Variants in ADAM7 observed in about 807,000 individuals in gnomAD.
ADAM7 encodes disintegrin and metalloproteinase domain-containing protein 7.
Under a neutral mutation model 102.9 loss-of-function variants are expected in ADAM7, and 97 were observed. The ratio of observed to expected loss-of-function variants is 0.94; its 90% CI spans 0.80 to 1.12. The LOEUF (loss-of-function observed/expected upper bound fraction) is 1.12. Among genes scored for constraint, ADAM7 ranks in the 50% most tolerant of loss-of-function variants. The probability of loss-of-function intolerance (pLI) is 0.00; values close to 1 mark genes in which losing one functional copy is unlikely to be tolerated. For missense variants in ADAM7, 991 were observed against 908.7 expected (o/e 1.09, Z -1.16); for synonymous variants, 334 against 304.4 (o/e 1.10, Z -1.01).
intron 17 of ADAM7, among the ~76,000 whole-genome samples, chr8:24,499,953 A>G (rs10503761): frequency 6.6e-6 from 1 of 151,990 alleles, no homozygotes; most frequent in Admixed American, 6.6e-5. Flanking sequence ...TGTCAGTATC[A>G]TTCTCTTATT....
chr8:24,452,693 A>T (rs2129376074), intron 3 of ADAM7, among the ~76,000 whole-genome samples: 1 of 151,152 alleles, frequency 6.6e-6, no homozygotes, highest in African/African-American at 2.4e-5. Flanking sequence ...TCCTGTCATT[A>T]TGATGTTAGC....
At chr8:24,451,872 A>T (rs1254860478) in intron 3 of ADAM7, among the ~76,000 whole-genome samples, 1 of 150,430 alleles carries the variant, frequency 6.6e-6, no homozygotes, top group Admixed American at 6.6e-5. Flanking sequence ...TTGGTTTCAA[A>T]GAACATCTTT....
At chr8:24,490,100 G>A (rs1820290000) in intron 12 of ADAM7, among the ~76,000 whole-genome samples, 1 of 152,146 alleles carries the variant, frequency 6.6e-6, no homozygotes, top group African/African-American at 2.4e-5. Context: ...TCTAGATAAT[G>A]CACAATACCA....
chr8:24,448,422 G>C (rs558620290), intron 3 of ADAM7, among the ~76,000 whole-genome samples: 19 of 152,236 alleles, frequency 1.2e-4, no homozygotes, highest in African/African-American at 4.6e-4. Context: ...ACAGAGAGCA[G>C]TTTAATCTAA....
At chr8:24,494,253 T>C (rs1016510232) in intron 16 of ADAM7, among the ~76,000 whole-genome samples, 1 of 152,358 alleles carries the variant, frequency 6.6e-6, no homozygotes, top group Middle Eastern at 3.4e-3. Flanking sequence ...TGAGTCTATA[T>C]ATTTAACTAT....
intron 2 of ADAM7, 61 bp from the exon 3 acceptor site, chr8:24,447,125 T>C: frequency 5.4e-6 from 5 of 919,842 alleles, no homozygotes; most frequent in Non-Finnish European, 8.0e-6. Flanking sequence ...AAAGCACTAC[T>C]TGCTCCAGAA....
At chr8:24,449,531 T>C (rs1563372664) in intron 3 of ADAM7, among the ~76,000 whole-genome samples, 1 of 152,210 alleles carries the variant, frequency 6.6e-6, no homozygotes. Context: ...TTGAGTTCAT[T>C]GTAGATTCTG....
chr8:24,506,843 T>A (rs2129398818), intron 20 of ADAM7, among the ~76,000 whole-genome samples: 1 of 152,232 alleles, frequency 6.6e-6, no homozygotes, highest in East Asian at 1.9e-4. Context: ...CTAGAATCTC[T>A]ATCTCTACAT....
intron 16 of ADAM7, 134 bp downstream of exon 16, chr8:24,493,363 A>G (rs747685072): frequency 1.9e-4 from 142 of 764,104 alleles, no homozygotes; most frequent in Non-Finnish European, 2.3e-4. Context: ...TTTTTTAATG[A>G]GGAGCAGAGT....
chr8:24,479,059 G>A (rs1023065564), intron 8 of ADAM7, among the ~76,000 whole-genome samples: 1 of 151,974 alleles, frequency 6.6e-6, no homozygotes, highest in Non-Finnish European at 1.5e-5. Flanking sequence ...TTCCTTTCTC[G>A]ACTTTAGGCT....
intron 15 of ADAM7, 88 bp downstream of exon 15, chr8:24,492,685 T>G: frequency 3.4e-6 from 3 of 889,578 alleles, no homozygotes; most frequent in Non-Finnish European, 5.3e-6. Flanking sequence ...CCTGTTAATC[T>G]CTTTTTACTG....
At chr8:24,474,839 G>A (rs545462897) in intron 7 of ADAM7, among the ~76,000 whole-genome samples, 3 of 152,240 alleles carry the variant, frequency 2.0e-5, no homozygotes, top group Admixed American at 6.5e-5. Context: ...AGGCTGCAAT[G>A]AGCCATGTTC....
At chr8:24,498,549 GTA>G (rs138184963) in intron 16 of ADAM7, among the ~76,000 whole-genome samples, 9 of 148,724 alleles carry the variant, frequency 6.1e-5, no homozygotes, top group East Asian at 2.0e-4. Flanking sequence ...AGGACTAAGA[GTA>G]TATATATATA....
At chr8:24,481,903 G>C (rs906585022) in intron 8 of ADAM7, among the ~76,000 whole-genome samples, 1 of 152,070 alleles carries the variant, frequency 6.6e-6, no homozygotes, top group African/African-American at 2.4e-5. Context: ...ATGATAGTTC[G>C]AGGAGGCAGA....
rs1820371580 is a variant in ADAM7, at chr8:24,491,886, T to C, written c.1357-17T>C. ...TAAATGTATCCAGGATTTAGTCTCT[T>C]TGTTTTTCCTCAACAGATAAAAAAA... is the stretch of plus-strand genomic sequence containing the variant. On this transcript the variant is annotated splice_polypyrimidine_tract_variant and intron_variant, in intron 13 of 21. Transcript: ENST00000175238. 8.9e-6 allele frequency: 14 copies of C among 1,569,634 alleles called. No individual in the cohort carries two copies. Among genetic ancestry groups the C allele is most frequent in the Non-Finnish European group, 1.2e-5 (14 of 1,158,082 alleles).
rs1026307125 is a variant in ADAM7 at position 24,441,259 on chromosome 8, G to A, written c.52+99G>A. ...ACTGTAAGTGATAAAAACATTAAAC[G>A]TTGATGATTTTTCTGAGAGCTTCGA... On this transcript the variant is annotated intron_variant, in intron 1 of 21. Coordinates refer to ENST00000175238, the MANE Select transcript of ADAM7 (RefSeq NM_003817.4). 3.3e-6 allele frequency: 4 copies of A among 1,223,162 alleles called. No individual in the cohort carries two copies. In the East Asian group the frequency reaches 7.1e-5, roughly 22 times the overall value. The allele number at this position is 1,223,162 out of a possible 1,614,324, so 75.8% of individuals were successfully genotyped here. A position where few individuals can be genotyped will look rare whatever the true frequency, so the allele number is the denominator to read the frequency against.
Position 24,456,631 on chromosome 8 carries a change from AATTTTT to A in ADAM7, c.234-7250_234-7245del, listed in dbSNP as rs1819045067. ...ACCTCCTCTAAAAATCTGTCCTGGG[AATTTTT>A]TTTTTTTTTTTTTGCCGTAGATTAC... On this transcript the variant is annotated intron_variant, in intron 3 of 21. Coordinates refer to ENST00000175238, the MANE Select transcript of ADAM7 (RefSeq NM_003817.4). 5.9e-5 allele frequency among the ~76,000 whole-genome samples: 3 copies of A among 51,004 alleles called. No homozygotes were observed. In the Admixed American group the frequency reaches 7.7e-4, roughly 13 times the overall value. 33.5% of individuals were successfully genotyped at this position (51,004 alleles called of 152,430 possible). A position where few individuals can be genotyped will look rare whatever the true frequency, so the allele number is the denominator to read the frequency against.
At chr8:24,484,494 T>G (rs1239738906) in intron 9 of ADAM7, among the ~76,000 whole-genome samples, 2 of 152,198 alleles carry the variant, frequency 1.3e-5, no homozygotes, top group Non-Finnish European at 2.9e-5. Context: ...ATCTGACAAC[T>G]CATTTAAGTG....
intron 20 of ADAM7, among the ~76,000 whole-genome samples, chr8:24,505,788 T>C (rs1820930569): frequency 6.6e-6 from 1 of 152,132 alleles, no homozygotes; most frequent in African/African-American, 2.4e-5. Context: ...TGTATTTTAA[T>C]AGGAAATTGT....
Sources: allele counts gnomAD v4.1 joint callset (sites outside exome capture counted in the v4.1 genomes callset), GRCh38; gene constraint gnomAD v4.1.1; transcripts MANE v1.5; gene names NCBI Gene and HGNC (gene_info 2026-07-23, HGNC 2026-07-21).